SAMD12: variants seen among roughly 807,000 people sequenced by gnomAD.
SAMD12 encodes sterile alpha motif domain-containing protein 12.
Under a neutral mutation model 15.0 loss-of-function variants are expected in SAMD12, and 9 were observed. The ratio of observed to expected loss-of-function variants is 0.60; its 90% CI spans 0.36 to 1.05. SAMD12 has a LOEUF of 1.05. Among genes scored for constraint, SAMD12 ranks in the 50% least tolerant of loss-of-function variants. The pLI, the probability that SAMD12 is intolerant of heterozygous loss-of-function variation, is 0.01. For synonymous variants in SAMD12, 86 were observed against 90.1 expected, an observed-to-expected ratio of 0.96 and a Z score of 0.25; for missense variants, 230 against 234.2, an observed-to-expected ratio of 0.98 and a Z score of 0.12.
the SAMD12 span, among the ~76,000 whole-genome samples, chr8:118,137,925 C>CA: frequency 5.5e-5 from 1 of 18,040 alleles, no homozygotes. Flanking sequence ...CATGAGAAAG[C>CA]ATTTTTTTTT....
intron 3 of SAMD12, among the ~76,000 whole-genome samples, chr8:118,415,189 T>C (rs1462199009): frequency 6.6e-6 from 1 of 152,140 alleles, no homozygotes; most frequent in African/African-American, 2.4e-5. Flanking sequence ...AAAGGTTCCA[T>C]CACCAGCTCC....
At chr8:118,404,049 T>A (rs1820999644) in intron 3 of SAMD12, among the ~76,000 whole-genome samples, 3 of 152,166 alleles carry the variant, frequency 2.0e-5, no homozygotes, top group Admixed American at 2.0e-4. Flanking sequence ...TGCGATTGAT[T>A]CTGGCTCACT....
intron 4 of SAMD12, among the ~76,000 whole-genome samples, chr8:118,316,384 A>AG (rs2130423803): frequency 6.6e-6 from 1 of 151,304 alleles, no homozygotes; most frequent in South Asian, 2.1e-4. Context: ...AAAAAAAAAA[A>AG]ATTAGCTAGG....
intron 2 of SAMD12, among the ~76,000 whole-genome samples, chr8:118,529,663 C>A (rs1825631613): frequency 6.6e-6 from 1 of 152,160 alleles, no homozygotes; most frequent in South Asian, 2.1e-4. Context: ...CTTTGTTTCT[C>A]AGTTATGTCA....
chr8:118,594,494 C>CA (rs1204718325), intron 1 of SAMD12, among the ~76,000 whole-genome samples: 1 of 151,688 alleles, frequency 6.6e-6, no homozygotes, highest in African/African-American at 2.4e-5. Flanking sequence ...TGCAACTGAC[C>CA]AAAAAATAGG....
At chr8:118,486,333 G>A (rs545703937) in intron 2 of SAMD12, among the ~76,000 whole-genome samples, 12 of 151,988 alleles carry the variant, frequency 7.9e-5, no homozygotes, top group South Asian at 2.1e-4. Context: ...GGAGAATGGC[G>A]TGAACCTGGG....
chr8:118,161,822 A>G, the SAMD12 span, among the ~76,000 whole-genome samples: 6 of 151,988 alleles, frequency 3.9e-5, no homozygotes, highest in Middle Eastern at 6.3e-3. Flanking sequence ...GAATGGATCA[A>G]TATCATTCTG....
chr8:118,578,371 G>A (rs917127610), intron 2 of SAMD12, among the ~76,000 whole-genome samples: 5 of 152,042 alleles, frequency 3.3e-5, no homozygotes, highest in African/African-American at 1.2e-4. Context: ...TCCTACAGAG[G>A]GAATTATTGG....
At chr8:118,189,290 A>T (rs1033652074), downstream of SAMD12, among the ~76,000 whole-genome samples, 77 of 152,308 alleles carry the variant, frequency 5.1e-4, no homozygotes, top group African/African-American at 1.7e-3. Flanking sequence ...AACACAGCAT[A>T]ATTGAGGACA....
rs5894438 is a variant in SAMD12, at chr8:118,481,738, GAA to G, written c.193-41779_193-41778del. Among the ~76,000 whole-genome samples, 15 of 146,570 alleles carry G rather than the reference GAA, an allele frequency of 1.0e-4. No homozygotes were observed. In the East Asian group the frequency reaches 1.4e-3, roughly 13 times the overall value. On this transcript the variant is annotated intron_variant, in intron 2 of 3. Coordinates refer to ENST00000314727, the MANE Select transcript of SAMD12 (RefSeq NM_207506.3). The stretch of plus-strand genomic sequence containing the variant: ...GTGGGCACAACTGACTTACCTAAAT[GAA>G]AAAAAAAAATAGCAGGGGCACAAAA...
At position 118,412,702 on chromosome 8, in the gene SAMD12, C is replaced by T. The variant is rs929917546; in HGVS notation, c.322+27130G>A. On this transcript the variant is annotated intron_variant, in intron 3 of 3. Transcript: ENST00000314727. ...GCAGTCCACCTACCAGCTGAGGTACCACTGATATCATTAGGATGAGTAAAT... is the reference window on the plus strand; with the variant it reads ...GCAGTCCACCTACCAGCTGAGGTACTACTGATATCATTAGGATGAGTAAAT... 2.0e-5 allele frequency among the ~76,000 whole-genome samples: 3 copies of T among 152,070 alleles called. No homozygotes were observed. In the South Asian group the frequency reaches 6.2e-4, roughly 32 times the overall value.
chr8:118,549,020 C>A (rs1300255589), intron 2 of SAMD12, among the ~76,000 whole-genome samples: 3 of 152,244 alleles, frequency 2.0e-5, no homozygotes, highest in African/African-American at 7.2e-5. Context: ...AACGAAGCAG[C>A]CAGGAAGCTG....
At chr8:118,242,276 A>G (rs893282707) in intron 4 of SAMD12, among the ~76,000 whole-genome samples, 16 of 152,326 alleles carry the variant, frequency 1.1e-4, no homozygotes, top group African/African-American at 3.8e-4. Flanking sequence ...AACTGAAGAA[A>G]GAAAGTTAAC....
At chr8:118,168,317 A>C in the SAMD12 span, among the ~76,000 whole-genome samples, 1 of 152,006 alleles carries the variant, frequency 6.6e-6, no homozygotes, top group South Asian at 2.1e-4. Flanking sequence ...TTATTCCCCC[A>C]TCTCCCTCCC....
chr8:118,552,254 T>G (rs1293072738), intron 2 of SAMD12, among the ~76,000 whole-genome samples: 1 of 152,164 alleles, frequency 6.6e-6, no homozygotes, highest in Non-Finnish European at 1.5e-5. Flanking sequence ...ATATCCTTGA[T>G]GAACATTGAT....
chr8:118,550,629 A>G (rs990448907), intron 2 of SAMD12, among the ~76,000 whole-genome samples: 8 of 152,166 alleles, frequency 5.3e-5, no homozygotes, highest in Non-Finnish European at 1.5e-5. Flanking sequence ...ACTAACGAGC[A>G]AAATAACCAG....
In SAMD12 at chr8:118,416,753, A is replaced by G. The variant is rs185557258; in HGVS notation, c.322+23079T>C. Among the ~76,000 whole-genome samples, 23 of 151,998 alleles carry G rather than the reference A, an allele frequency of 1.5e-4. No homozygotes were observed. In the East Asian group the frequency reaches 4.4e-3, roughly 29 times the overall value. On this transcript the variant is annotated intron_variant, in intron 3 of 3. Coordinates refer to ENST00000314727, the MANE Select transcript of SAMD12 (RefSeq NM_207506.3). The stretch of plus-strand genomic sequence containing the variant: ...TGTTTTCCTCCAGTATTTTCATCCA[A>G]CTCTCTTCTTCCACCCCTTCAATCC...
chr8:118,425,148 C>T lies in SAMD12; in HGVS notation c.322+14684G>A, dbSNP rs545255927. ...ACAGACAGGGTTTCACCGTGTTAGC[C>T]AGGATGGTCTCAATTTCCTGACCTT... On this transcript the variant is annotated intron_variant, in intron 3 of 3. Coordinates refer to ENST00000314727, the MANE Select transcript of SAMD12 (RefSeq NM_207506.3). Among the ~76,000 whole-genome samples, 309 of 152,168 alleles carry T rather than the reference C, an allele frequency of 2.0e-3. 4 individuals carry two copies. Among genetic ancestry groups the T allele is most frequent in the South Asian group, 3.5e-3 (17 of 4,820 alleles).
intron 1 of SAMD12, among the ~76,000 whole-genome samples, chr8:118,583,101 C>T (rs1036213651): frequency 2.6e-5 from 4 of 152,110 alleles, no homozygotes; most frequent in Admixed American, 1.3e-4. Flanking sequence ...AATTACATGC[C>T]TATTACTGAA....
Sources: allele counts gnomAD v4.1 joint callset (sites outside exome capture counted in the v4.1 genomes callset), GRCh38; gene constraint gnomAD v4.1.1; transcripts MANE v1.5; gene names NCBI Gene and HGNC (gene_info 2026-07-23, HGNC 2026-07-21).